The following SLCO3A1 variants were observed in gnomAD, a reference collection of about 807,000 sequenced individuals.
SLCO3A1 encodes the protein PGE1 transporter.
SLCO3A1 carries 27 observed loss-of-function variants against 63.1 expected under a neutral mutation model. The observed-to-expected ratio is 0.43, with a 90% CI of 0.32 to 0.59. SLCO3A1 has a LOEUF of 0.59. Ranked by LOEUF, SLCO3A1 falls within the 20% of genes least tolerant of loss-of-function variation. The pLI, the probability that SLCO3A1 is intolerant of heterozygous loss-of-function variation, is 0.09. For synonymous variants in SLCO3A1, 473 were observed against 409.9 expected (o/e 1.15, Z -1.86); for missense variants, 773 against 945.8 (o/e 0.82, Z 2.40).
At chr15:92,086,086 G>C (rs2047400881) in intron 2 of SLCO3A1, among the ~76,000 whole-genome samples, 1 of 152,214 alleles carries the variant, frequency 6.6e-6, no homozygotes, top group Admixed American at 6.5e-5. Context: ...ATGCTGGTGT[G>C]CGCATTCTTG....
At chr15:91,892,382 G>A (rs1790551327) in intron 1 of SLCO3A1, among the ~76,000 whole-genome samples, 1 of 152,160 alleles carries the variant, frequency 6.6e-6, no homozygotes, top group Non-Finnish European at 1.5e-5. Flanking sequence ...AGAAGAAAGA[G>A]GTACGTGAAG....
At chr15:92,052,499 TTCTC>T (rs1231428551) in intron 2 of SLCO3A1, among the ~76,000 whole-genome samples, 2 of 152,124 alleles carry the variant, frequency 1.3e-5, no homozygotes, top group Non-Finnish European at 2.9e-5. Context: ...AAAGAGTTCT[TTCTC>T]AGCAGTTTCC....
chr15:92,028,908 A>AGTGGGTGTGTGTGTGTGTGTGTGTGT (rs2046610043), intron 2 of SLCO3A1, among the ~76,000 whole-genome samples: 1 of 120,072 alleles, frequency 8.3e-6, no homozygotes, highest in Non-Finnish European at 1.7e-5. Flanking sequence ...TGCAGGCACA[A>AGTGGGTGTGTGTGTGTGTGTGTGTGT]GTGTGTGTGT....
At chr15:92,024,000 C>G (rs888693409) in intron 2 of SLCO3A1, among the ~76,000 whole-genome samples, 4 of 152,262 alleles carry the variant, frequency 2.6e-5, no homozygotes, top group African/African-American at 9.6e-5. Context: ...TCCAGTGAAT[C>G]TGTTGGGCCA....
intron 7 of SLCO3A1, among the ~76,000 whole-genome samples, chr15:92,142,608 C>G (rs908168710): frequency 6.6e-6 from 1 of 152,208 alleles, no homozygotes; most frequent in African/African-American, 2.4e-5. Context: ...ACCGAACATT[C>G]AAACCACGCA....
chr15:91,934,180 G>A (rs906543838), intron 2 of SLCO3A1, among the ~76,000 whole-genome samples: 3 of 152,178 alleles, frequency 2.0e-5, no homozygotes, highest in African/African-American at 7.2e-5. Flanking sequence ...AGGGGTGATG[G>A]TGAGGACCAG....
intron 2 of SLCO3A1, among the ~76,000 whole-genome samples, chr15:92,076,574 C>T (rs146771537): frequency 2.6e-4 from 40 of 152,302 alleles, no homozygotes; most frequent in Middle Eastern, 6.8e-3. Flanking sequence ...AGGGACCTGC[C>T]GCTAGCCCAC....
At chr15:91,935,415 A>G (rs911037994) in intron 2 of SLCO3A1, among the ~76,000 whole-genome samples, 1 of 152,170 alleles carries the variant, frequency 6.6e-6, no homozygotes, top group Non-Finnish European at 1.5e-5. Flanking sequence ...ATGGAGGGAG[A>G]GAACACAAAA....
At chr15:91,986,602 AAAAC>A (rs1476097794) in intron 2 of SLCO3A1, among the ~76,000 whole-genome samples, 1 of 152,170 alleles carries the variant, frequency 6.6e-6, no homozygotes, top group East Asian at 1.9e-4. Context: ...AAAAAAAAAA[AAAAC>A]TAGGTTTCAA....
chr15:91,914,000 A>C (rs1309193968), intron 1 of SLCO3A1, among the ~76,000 whole-genome samples: 1 of 151,918 alleles, frequency 6.6e-6, no homozygotes, highest in African/African-American at 2.4e-5. Flanking sequence ...TGTGACCCCT[A>C]CACTATTAAA....
chr15:91,920,891 G>C (rs534682608), intron 2 of SLCO3A1, among the ~76,000 whole-genome samples: 7 of 152,256 alleles, frequency 4.6e-5, no homozygotes, highest in Non-Finnish European at 1.0e-4. Flanking sequence ...TAGCTCTTCG[G>C]AGCTAAGACC....
At chr15:91,960,572 A>G (rs569537179) in intron 2 of SLCO3A1, among the ~76,000 whole-genome samples, 34 of 152,292 alleles carry the variant, frequency 2.2e-4, no homozygotes, top group African/African-American at 7.2e-4. Context: ...CTTTCAAATT[A>G]AGAACATATT....
At chr15:92,063,693 T>C (rs1465688224) in intron 2 of SLCO3A1, among the ~76,000 whole-genome samples, 1 of 151,998 alleles carries the variant, frequency 6.6e-6, no homozygotes, top group African/African-American at 2.4e-5. Context: ...CTACTAAAAA[T>C]ACAAAAATTA....
At chr15:91,960,423 G>A (rs1233810815) in intron 2 of SLCO3A1, among the ~76,000 whole-genome samples, 1 of 152,164 alleles carries the variant, frequency 6.6e-6, no homozygotes, top group African/African-American at 2.4e-5. Flanking sequence ...TTTTCACTGT[G>A]AAGAATAATT....
chr15:91,964,432 CTT>C lies in SLCO3A1; in HGVS notation c.646+47984_646+47985del, dbSNP rs1011119994. 7.6e-5 allele frequency among the ~76,000 whole-genome samples: 11 copies of C among 145,320 alleles called. No homozygotes were observed. In the South Asian group the frequency reaches 1.1e-3, roughly 14 times the overall value. On this transcript the variant is annotated intron_variant, in intron 2 of 9. Transcript: ENST00000318445. ...AAGCAAACCCTCACATGCATCATTG[CTT>C]TTTTTTTTTATGCTCAGGTGACTCC...
At chr15:92,171,895 C>G (rs2048523637) in exon 11 of SLCO3A1, 1 of 1,493,300 alleles carries the variant, frequency 6.7e-7, no homozygotes, top group South Asian at 1.2e-5. Flanking sequence ...CTGGAGAGAA[C>G]AGCCCACCAC....
At chr15:92,157,571 A>G (rs2048387750) in intron 9 of SLCO3A1, among the ~76,000 whole-genome samples, 1 of 151,784 alleles carries the variant, frequency 6.6e-6, no homozygotes, top group African/African-American at 2.4e-5. Flanking sequence ...GCTCACTGCA[A>G]TCTCTGCCTC....
chr15:91,890,591 A>G (rs961611868), intron 1 of SLCO3A1, among the ~76,000 whole-genome samples: 1 of 152,178 alleles, frequency 6.6e-6, no homozygotes, highest in Non-Finnish European at 1.5e-5. Flanking sequence ...ACTTCCTCCC[A>G]TGAAGAGACT....
In SLCO3A1 at chr15:91,926,528, C is replaced by T. The variant is rs116390879; in HGVS notation, c.646+10070C>T. On this transcript the variant is annotated intron_variant, in intron 2 of 9. Transcript: ENST00000318445. ...ATAAATGAGTATGTTCCATTCCCAGCGTGGCTTTGCCATTTCATTCCTGCC... is the reference window on the plus strand; with the variant it reads ...ATAAATGAGTATGTTCCATTCCCAGTGTGGCTTTGCCATTTCATTCCTGCC... Among the ~76,000 whole-genome samples the T allele has an allele frequency of 5.2e-3, 771 of 146,912 alleles. 6 individuals carry two copies. Among genetic ancestry groups the T allele is most frequent in the African/African-American group, 0.019 (736 of 39,378 alleles).
Sources: allele counts gnomAD v4.1 joint callset (sites outside exome capture counted in the v4.1 genomes callset), GRCh38; gene constraint gnomAD v4.1.1; transcripts MANE v1.5; gene names NCBI Gene and HGNC (gene_info 2026-07-23, HGNC 2026-07-21).